The following LRRC7 variants were observed in gnomAD, a reference collection of about 807,000 sequenced individuals.
LRRC7 encodes leucine rich repeat containing 7.
Under a neutral mutation model 175.7 loss-of-function variants are expected in LRRC7, and 23 were observed. The ratio of observed to expected loss-of-function variants is 0.13; its 90% CI spans 0.09 to 0.19. The LOEUF (loss-of-function observed/expected upper bound fraction) is 0.19, where lower values mean the gene tolerates loss of function less well. Ranked by LOEUF, LRRC7 falls within the 10% of genes least tolerant of loss-of-function variation. LRRC7 has a pLI of 1.00. For synonymous variants in LRRC7, 685 were observed against 680.9 expected (o/e 1.01, Z -0.09); for missense variants, 1,354 against 1,904.7 (o/e 0.71, Z 5.38).
chr1:69,839,490 A>G (rs185709006), intron 7 of LRRC7, among the ~76,000 whole-genome samples: 1 of 152,118 alleles, frequency 6.6e-6, no homozygotes, highest in Non-Finnish European at 1.5e-5. Context: ...GGGCATAAAC[A>G]GGTTGAAATA....
At chr1:69,890,107 A>G (rs1044669483) in intron 7 of LRRC7, among the ~76,000 whole-genome samples, 1 of 152,194 alleles carries the variant, frequency 6.6e-6, no homozygotes, top group Admixed American at 6.5e-5. Flanking sequence ...ATAAATTATG[A>G]TTGCTGTTAA....
At chr1:69,641,262 C>T (rs1393089948) in intron 1 of LRRC7, among the ~76,000 whole-genome samples, 1 of 151,592 alleles carries the variant, frequency 6.6e-6, no homozygotes, top group African/African-American at 2.4e-5. Context: ...TATTCATTCT[C>T]CATCAGCACT....
intron 8 of LRRC7, among the ~76,000 whole-genome samples, chr1:69,937,493 C>T (rs1375090488): frequency 2.0e-5 from 3 of 152,116 alleles, no homozygotes; most frequent in East Asian, 3.9e-4. Context: ...GAAATACATA[C>T]ATGGTTCATG....
intron 7 of LRRC7, among the ~76,000 whole-genome samples, chr1:69,889,007 A>G: frequency 6.6e-6 from 1 of 152,234 alleles, no homozygotes; most frequent in East Asian, 1.9e-4. Context: ...TATAAACATT[A>G]TGTTTACAAT....
At chr1:69,963,485 T>A (rs1367990331) in intron 8 of LRRC7, among the ~76,000 whole-genome samples, 1 of 152,130 alleles carries the variant, frequency 6.6e-6, no homozygotes, top group Admixed American at 6.5e-5. Context: ...ACTTTTTGTA[T>A]GATATGGCAA....
rs140322439 is a variant in LRRC7 at position 69,586,041 on chromosome 1, T to G, written c.2+17400T>G. Among the ~76,000 whole-genome samples, 496 of 152,318 alleles carry G rather than the reference T, an allele frequency of 3.3e-3. 5 individuals carry two copies. Among genetic ancestry groups the G allele is most frequent in the African/African-American group, 0.011 (474 of 41,576 alleles). ...TAAAGAATTGAGATTTACTGTAGAA[T>G]TAAATCTACTGTTGTTAAATAGTGA... On this transcript the variant is annotated intron_variant, in intron 1 of 26. Coordinates refer to ENST00000651989, the MANE Select transcript of LRRC7 (RefSeq NM_001370785.2).
intron 7 of LRRC7, among the ~76,000 whole-genome samples, chr1:69,866,727 T>TCTG (rs10639702): frequency 4.0e-5 from 6 of 151,702 alleles, no homozygotes; most frequent in Non-Finnish European, 7.4e-5. Context: ...ATTAATTCAT[T>TCTG]AGCACTGAAT....
intron 3 of LRRC7, among the ~76,000 whole-genome samples, chr1:69,762,548 A>C (rs1671151025): frequency 6.6e-6 from 1 of 152,002 alleles, no homozygotes; most frequent in South Asian, 2.1e-4. Flanking sequence ...AGAGTTGTGA[A>C]GAGTCTGGAA....
chr1:69,705,875 A>G (rs1663968755), intron 2 of LRRC7, among the ~76,000 whole-genome samples: 1 of 152,164 alleles, frequency 6.6e-6, no homozygotes, highest in Non-Finnish European at 1.5e-5. Context: ...AGGAACATCC[A>G]TACAGATGAG....
chr1:69,764,299 A>G lies in LRRC7; in HGVS notation c.303+3906A>G, dbSNP rs749029245. On this transcript the variant is annotated intron_variant, in intron 3 of 26. Transcript: ENST00000651989. ...CATATTATATATGAAGTAGTGTGGG[A>G]TGGCAAATTTGAAAAAAAGCAATAA... Among the ~76,000 whole-genome samples, 106 of 152,076 alleles carry G rather than the reference A, an allele frequency of 7.0e-4. No individual in the cohort carries two copies. The Middle Eastern group carries it at 0.02, about 29-fold the overall frequency.
At chr1:69,690,083 T>C (rs563768987) in intron 2 of LRRC7, among the ~76,000 whole-genome samples, 1 of 152,340 alleles carries the variant, frequency 6.6e-6, no homozygotes, top group Admixed American at 6.5e-5. Flanking sequence ...AATTACATCG[T>C]AAGCTCTTCT....
At chr1:70,081,524 A>G (rs866766013) in intron 24 of LRRC7, among the ~76,000 whole-genome samples, 6 of 152,362 alleles carry the variant, frequency 3.9e-5, no homozygotes, top group African/African-American at 7.2e-5. Context: ...GATAAGTTCA[A>G]TGTCTTGCCT....
intron 7 of LRRC7, among the ~76,000 whole-genome samples, chr1:69,862,891 G>A (rs1225711492): frequency 6.6e-6 from 1 of 150,956 alleles, no homozygotes; most frequent in Non-Finnish European, 1.5e-5. Flanking sequence ...TGTTCTCATT[G>A]TTCAACTCCC....
chr1:69,936,833 T>C (rs1305525956), intron 8 of LRRC7, among the ~76,000 whole-genome samples: 2 of 152,172 alleles, frequency 1.3e-5, no homozygotes, highest in Non-Finnish European at 2.9e-5. Context: ...TGGTTTTCTG[T>C]TCCTGCATTA....
In LRRC7 at chr1:70,044,016, A is replaced by G. The variant is rs1033361533; in HGVS notation, c.4032A>G (p.Ala1344=). ...TGCTGCCCTATGGAGGTATTTCAGC[A>G]ATGCATGCAGGCAGAAGCATGACTT... ...LGMLPYGGIS[A]MHAGRSMTLN... The change falls in exon 22 of 27, where the codon GCA becomes GCG. Residue 1344 remains alanine, a synonymous_variant. Transcript: ENST00000651989. The G allele has an allele frequency of 5.0e-6, 8 of 1,613,416 alleles. No individual in the cohort carries two copies. The Admixed American group carries it at 1.3e-4, about 27-fold the overall frequency.
At chr1:70,081,843 G>C (rs910844718) in intron 24 of LRRC7, among the ~76,000 whole-genome samples, 1 of 152,146 alleles carries the variant, frequency 6.6e-6, no homozygotes, top group Non-Finnish European at 1.5e-5. Flanking sequence ...GCTGTCTCCT[G>C]CCAGTGCCTG....
At chr1:69,806,299 A>T (rs1397206097) in intron 4 of LRRC7, among the ~76,000 whole-genome samples, 1 of 151,958 alleles carries the variant, frequency 6.6e-6, no homozygotes, top group African/African-American at 2.4e-5. Flanking sequence ...TGAAGCAGAG[A>T]GAGAGAAAGA....
At chr1:69,629,344 T>G (rs1652115257) in intron 1 of LRRC7, among the ~76,000 whole-genome samples, 1 of 152,196 alleles carries the variant, frequency 6.6e-6, no homozygotes, top group Admixed American at 6.5e-5. Flanking sequence ...ATAGAGATTT[T>G]GTTTGAAACT....
In LRRC7 at chr1:69,938,578, T is replaced by C. The variant is rs537330747; in HGVS notation, c.711+7008T>C. Among the ~76,000 whole-genome samples the C allele has an allele frequency of 1.2e-4, 19 of 152,182 alleles. No individual in the cohort carries two copies. In the East Asian group the frequency reaches 3.3e-3, roughly 26 times the overall value. On this transcript the variant is annotated intron_variant, in intron 8 of 26. Transcript: ENST00000651989. ...GGCTAAATAAATGATATGAATGTGT[T>C]TTCATAGAAATTTGAGACAGTCGAG...
Sources: gnomAD v4.1 joint callset for allele counts (sites outside exome capture counted in the v4.1 genomes callset) on GRCh38, gnomAD v4.1.1 for gene constraint, MANE v1.5 for transcripts, NCBI Gene and HGNC (gene_info 2026-07-23, HGNC 2026-07-21) for gene names.